Variants in SGMS1 observed in about 807,000 individuals in gnomAD.
The protein encoded by SGMS1 is sphingomyelin synthase 1, also known as phosphatidylcholine:ceramide cholinephosphotransferase 1.
In SGMS1, 13 loss-of-function variants were observed where a neutral mutation model predicts 46.2. That is an observed-to-expected ratio of 0.28 (90% CI 0.18 to 0.45). The LOEUF (loss-of-function observed/expected upper bound fraction) is 0.45, where lower values mean the gene tolerates loss of function less well. SGMS1 is among the 20% of genes least tolerant of loss of function. The pLI is 1.00. For missense variants in SGMS1, 324 were observed against 519.9 expected, an observed-to-expected ratio of 0.62 and a Z score of 3.66; for synonymous variants, 203 against 187.8, an observed-to-expected ratio of 1.08 and a Z score of -0.66.
At chr10:50,312,427 A>G (rs926470461) in intron 8 of SGMS1, among the ~76,000 whole-genome samples, 8 of 152,128 alleles carry the variant, frequency 5.3e-5, no homozygotes, top group Non-Finnish European at 7.4e-5. Flanking sequence ...AATGCTCAAC[A>G]TAATGGAAGA....
chr10:50,473,039 A>G (rs906809020), intron 3 of SGMS1: 7 of 152,248 alleles, frequency 4.6e-5, no homozygotes, highest in African/African-American at 1.7e-4. Flanking sequence ...ATATTAGAAC[A>G]TAATACAATT....
intron 9 of SGMS1, among the ~76,000 whole-genome samples, chr10:50,308,738 C>T (rs755188695): frequency 4.6e-5 from 7 of 152,078 alleles, no homozygotes; most frequent in African/African-American, 9.7e-5. Context: ...TGTCTGTATC[C>T]CCATTTGGGA....
chr10:50,426,823 T>G (rs1441057003), intron 6 of SGMS1, among the ~76,000 whole-genome samples: 1 of 152,140 alleles, frequency 6.6e-6, no homozygotes, highest in African/African-American at 2.4e-5. Flanking sequence ...ACTAGTAAAA[T>G]GAAATTAAGT....
chr10:50,596,920 T>C (rs1376428521), intron 1 of SGMS1, among the ~76,000 whole-genome samples: 1 of 152,208 alleles, frequency 6.6e-6, no homozygotes, highest in Non-Finnish European at 1.5e-5. Context: ...AGCAGATGGG[T>C]ACAACTGGCT....
intron 7 of SGMS1, chr10:50,336,232 A>T (rs1355829883): frequency 6.6e-6 from 1 of 152,340 alleles, no homozygotes; most frequent in African/African-American, 2.4e-5. Flanking sequence ...TCCCCAGGAA[A>T]GGAAAGAAAA....
chr10:50,457,686 T>C (rs1457491151), intron 5 of SGMS1, among the ~76,000 whole-genome samples: 1 of 152,214 alleles, frequency 6.6e-6, no homozygotes, highest in African/African-American at 2.4e-5. Context: ...TGTTCCTGTA[T>C]TAGTTCGCTT....
chr10:50,376,705 A>G (rs1589414107), intron 6 of SGMS1, among the ~76,000 whole-genome samples: 1 of 152,170 alleles, frequency 6.6e-6, no homozygotes, highest in South Asian at 2.1e-4. Flanking sequence ...GCCTTGCGAT[A>G]GTTTGCTGAG....
Position 50,343,626 on chromosome 10 carries a change from C to T in SGMS1, c.489G>A (p.Lys163=). Residue 163 remains lysine, a synonymous_variant, in exon 7 of 11, where the codon AAG becomes AAA. Coordinates refer to ENST00000361781, the MANE Select transcript of SGMS1 (RefSeq NM_147156.4). ...TGTCCGGTAGTGGAGGCTGCACCTCCTTAGGAGGTACTCGTTCGTGGACGA... is the reference window on the plus strand; with the variant it reads ...TGTCCGGTAGTGGAGGCTGCACCTCTTTAGGAGGTACTCGTTCGTGGACGA... ...ISVVHERVPP[K]EVQPPLPDTF... is the part of the protein sequence containing the mutation. The T allele has an allele frequency of 6.2e-7, 1 of 1,614,040 alleles. No individual in the cohort carries two copies. The highest frequency in any genetic ancestry group is 1.1e-5 in the South Asian group (1 of 91,068).
intron 6 of SGMS1, among the ~76,000 whole-genome samples, chr10:50,386,185 A>G (rs1362936782): frequency 6.6e-6 from 1 of 152,206 alleles, no homozygotes; most frequent in African/African-American, 2.4e-5. Flanking sequence ...GAGGCAAGTC[A>G]AAATTGTAAA....
chr10:50,455,083 T>C (rs1365575974), intron 5 of SGMS1, among the ~76,000 whole-genome samples: 1 of 152,168 alleles, frequency 6.6e-6, no homozygotes, highest in Admixed American at 6.5e-5. Context: ...CTCACTATTG[T>C]GTTCTAGTAT....
chr10:50,398,969 T>C (rs1848890598), intron 6 of SGMS1, among the ~76,000 whole-genome samples: 2 of 152,004 alleles, frequency 1.3e-5, no homozygotes, highest in African/African-American at 4.8e-5. Flanking sequence ...CCGGAAACAC[T>C]TTAGAGACAG....
At chr10:50,606,356 G>A (rs958515302) in intron 1 of SGMS1, among the ~76,000 whole-genome samples, 1 of 152,182 alleles carries the variant, frequency 6.6e-6, no homozygotes, top group African/African-American at 2.4e-5. Flanking sequence ...TAGAGTTTCA[G>A]CTTGGGATGA....
At chr10:50,563,259 T>C (rs1838257472) in intron 2 of SGMS1, among the ~76,000 whole-genome samples, 1 of 152,154 alleles carries the variant, frequency 6.6e-6, no homozygotes, top group Non-Finnish European at 1.5e-5. Flanking sequence ...AAGGACGACC[T>C]ACCATACTCC....
At chr10:50,516,167 A>T (rs1424271767) in intron 3 of SGMS1, among the ~76,000 whole-genome samples, 2 of 152,238 alleles carry the variant, frequency 1.3e-5, no homozygotes, top group East Asian at 3.8e-4. Context: ...TAATTAAAAA[A>T]AAACTGTTAA....
intron 6 of SGMS1, among the ~76,000 whole-genome samples, chr10:50,402,976 T>C (rs1848962220): frequency 6.6e-6 from 1 of 152,176 alleles, no homozygotes; most frequent in African/African-American, 2.4e-5. Context: ...GAACATGCAG[T>C]ATTTGGCTTT....
At position 50,343,989 on chromosome 10, in the gene SGMS1, C is replaced by T; in HGVS notation, c.126G>A (p.Glu42=). ...GGCACAAGGGGGGTTTTTTGAAATC[C>T]TCTTGGGTTAGGTTGATCAAGTCCT... ...TGQDLINLTQ[E]DFKKPPLCRV... is the part of the protein sequence containing the mutation. Residue 42 remains glutamate, a synonymous_variant, in exon 7 of 11, where the codon GAG becomes GAA. Transcript: ENST00000361781. 1 of 1,614,110 alleles carries T rather than the reference C, an allele frequency of 6.2e-7. No homozygotes were observed. The highest frequency in any genetic ancestry group is 1.1e-5 in the South Asian group (1 of 91,082).
intron 6 of SGMS1, among the ~76,000 whole-genome samples, chr10:50,381,440 A>G (rs1468527660): frequency 6.6e-6 from 1 of 152,164 alleles, no homozygotes; most frequent in Non-Finnish European, 1.5e-5. Flanking sequence ...AAGCAGTTGG[A>G]GTAAATAAAT....
At chr10:50,355,285 C>A (rs2133394412) in intron 6 of SGMS1, among the ~76,000 whole-genome samples, 1 of 152,344 alleles carries the variant, frequency 6.6e-6, no homozygotes, top group South Asian at 2.1e-4. Context: ...CCTCTTCCCT[C>A]TTCCCTCTCC....
chr10:50,457,093 A>G (rs1837201195), intron 5 of SGMS1, among the ~76,000 whole-genome samples: 1 of 152,228 alleles, frequency 6.6e-6, no homozygotes, highest in South Asian at 2.1e-4. Flanking sequence ...TAGGTTCACT[A>G]ATAGAATGGA....
Sources: allele counts gnomAD v4.1 joint callset (sites outside exome capture counted in the v4.1 genomes callset), GRCh38; gene constraint gnomAD v4.1.1; transcripts MANE v1.5; gene names NCBI Gene and HGNC (gene_info 2026-07-23, HGNC 2026-07-21).